The following FRMD3 variants were observed in gnomAD, a reference collection of about 807,000 sequenced individuals.
The protein encoded by FRMD3 is FERM domain containing 3, also known as FERM domain-containing protein 3.
A neutral mutation model predicts 70.2 loss-of-function variants in FRMD3; 33 were observed. That is an observed-to-expected ratio of 0.47 (90% CI 0.36 to 0.63). FRMD3 has a LOEUF of 0.63. Ranked by LOEUF, FRMD3 falls within the 20% of genes least tolerant of loss-of-function variation. The pLI is 0.00. For synonymous variants in FRMD3, 279 were observed against 255.9 expected (o/e 1.09, Z -0.86); for missense variants, 632 against 711.4 (o/e 0.89, Z 1.27).
rs1485162561 is a variant in FRMD3, at chr9:83,311,981, A to G, written c.685-6T>C. ...GTTGTTGTGCCTGTTGAATCCTGAA[A>G]AAAAAAAAAAAGAAAAAAGAAAAAT... On this transcript the variant is annotated splice_polypyrimidine_tract_variant and splice_region_variant and intron_variant, in intron 7 of 13. Coordinates refer to ENST00000304195, the MANE Select transcript of FRMD3 (RefSeq NM_174938.6). 2 of 1,510,170 alleles carry G rather than the reference A, an allele frequency of 1.3e-6. No individual in the cohort carries two copies. Among genetic ancestry groups the G allele is most frequent in the Non-Finnish European group, 1.8e-6 (2 of 1,124,332 alleles). The allele number at this position is 1,510,170 out of a possible 1,614,324, so 93.5% of individuals were successfully genotyped here. A position where few individuals can be genotyped will look rare whatever the true frequency, so the allele number is the denominator to read the frequency against.
the FRMD3 span, among the ~76,000 whole-genome samples, chr9:83,551,281 T>C: frequency 6.6e-6 from 1 of 152,240 alleles, no homozygotes; most frequent in Admixed American, 6.5e-5. Context: ...TCACATTTAT[T>C]GATTGTTGTA....
In FRMD3 at chr9:83,339,905, T is replaced by C. The variant is rs143345911; in HGVS notation, c.472+3285A>G. Among the ~76,000 whole-genome samples the C allele has an allele frequency of 3.1e-3, 469 of 152,280 alleles. 1 individual carries two copies. Among genetic ancestry groups the C allele is most frequent in the African/African-American group, 0.011 (447 of 41,562 alleles). ...CCATAGTTAAATGAATCAGGCACAATCATTTAACTAAATGTTAAATGAATC... is the reference window on the plus strand; with the variant it reads ...CCATAGTTAAATGAATCAGGCACAACCATTTAACTAAATGTTAAATGAATC... On this transcript the variant is annotated intron_variant, in intron 5 of 13. Transcript: ENST00000304195.
At chr9:83,340,272 A>T (rs1374414941) in intron 5 of FRMD3, among the ~76,000 whole-genome samples, 1 of 152,194 alleles carries the variant, frequency 6.6e-6, no homozygotes, top group African/African-American at 2.4e-5. Context: ...TTAGTGGAGA[A>T]CCTGCTGTGT....
At chr9:83,266,649 G>C (rs1378376234) in intron 13 of FRMD3, among the ~76,000 whole-genome samples, 1 of 152,146 alleles carries the variant, frequency 6.6e-6, no homozygotes, top group Non-Finnish European at 1.5e-5. Flanking sequence ...TGAAAGGAGG[G>C]GGAGCGTGTT....
the FRMD3 span, among the ~76,000 whole-genome samples, chr9:83,556,545 A>G: frequency 6.6e-6 from 1 of 152,252 alleles, no homozygotes; most frequent in Non-Finnish European, 1.5e-5. Context: ...TTACTAATGT[A>G]AAAGATATTT....
rs1183042891 is a variant in FRMD3, at chr9:83,507,438, C to T, written c.147+30647G>A. Among the ~76,000 whole-genome samples the T allele has an allele frequency of 1.0e-4, 15 of 145,052 alleles. No individual in the cohort carries two copies. In the East Asian group the frequency reaches 2.5e-3, roughly 24 times the overall value. On this transcript the variant is annotated intron_variant, in intron 1 of 13. Coordinates refer to ENST00000304195, the MANE Select transcript of FRMD3 (RefSeq NM_174938.6). ...ATCCCAGCACTTTGGGAGGCCGAGGCGGGTGGATCACAAGGTCAGGAGATC... is the reference window on the plus strand; with the variant it reads ...ATCCCAGCACTTTGGGAGGCCGAGGTGGGTGGATCACAAGGTCAGGAGATC...
intron 1 of FRMD3, among the ~76,000 whole-genome samples, chr9:83,394,766 G>A (rs950278605): frequency 6.6e-6 from 1 of 152,026 alleles, no homozygotes; most frequent in African/African-American, 2.4e-5. Flanking sequence ...TCACAAACTA[G>A]CCTACTTGTC....
At position 83,267,145 on chromosome 9, in the gene FRMD3, T is replaced by C. The variant is rs867277301; in HGVS notation, c.1196-18629A>G. 3 of 1,550,554 alleles carry C rather than the reference T, an allele frequency of 1.9e-6. 1 individual carries two copies. Among genetic ancestry groups the C allele is most frequent in the Middle Eastern group, 3.3e-4 (2 of 6,014 alleles). ...TGACCAAGCATTTTGCCATACTGGT[T>C]ATTCCAATCCCCTTGGTCTCCTCGG... On this transcript the variant is annotated intron_variant, in intron 13 of 13. Transcript: ENST00000304195.
At chr9:83,330,081 C>T (rs1836194315) in intron 6 of FRMD3, among the ~76,000 whole-genome samples, 1 of 152,108 alleles carries the variant, frequency 6.6e-6, no homozygotes, top group South Asian at 2.1e-4. Flanking sequence ...GAACAGAGGA[C>T]TGGCGAGGCA....
intron 6 of FRMD3, among the ~76,000 whole-genome samples, chr9:83,323,918 C>T: frequency 6.6e-6 from 1 of 152,206 alleles, no homozygotes; most frequent in East Asian, 1.9e-4. Context: ...AGTACAAACT[C>T]TGGCAAGTTC....
chr9:83,428,599 T>C (rs956462439), intron 1 of FRMD3, among the ~76,000 whole-genome samples: 3 of 152,100 alleles, frequency 2.0e-5, no homozygotes, highest in Admixed American at 6.5e-5. Context: ...TTAGTAATTA[T>C]AATAATTTTC....
chr9:83,279,572 G>A (rs1833901574), intron 13 of FRMD3: 1 of 151,756 alleles, frequency 6.6e-6, no homozygotes, highest in Admixed American at 6.6e-5. Flanking sequence ...ATGAGAGACT[G>A]GATTAAAAAA....
chr9:83,295,536 T>C (rs1535751), intron 12 of FRMD3, among the ~76,000 whole-genome samples: 72,379 of 151,952 alleles, frequency 0.48, 19,730 homozygotes, highest in South Asian at 0.7. Flanking sequence ...ACTTTAATAC[T>C]CATAACAAAG....
chr9:83,378,485 T>C (rs1306456545), intron 2 of FRMD3, among the ~76,000 whole-genome samples: 1 of 80,488 alleles, frequency 1.2e-5, no homozygotes, highest in Non-Finnish European at 2.7e-5. Context: ...TTTATATATA[T>C]AATATACATA....
intron 13 of FRMD3, among the ~76,000 whole-genome samples, chr9:83,275,780 A>G (rs924408490): frequency 3.3e-5 from 5 of 152,210 alleles, no homozygotes; most frequent in African/African-American, 1.2e-4. Context: ...TACTCCAACT[A>G]TAGGGGTGGG....
intron 10 of FRMD3, among the ~76,000 whole-genome samples, chr9:83,300,618 A>G (rs1394212799): frequency 6.6e-6 from 1 of 152,228 alleles, no homozygotes; most frequent in African/African-American, 2.4e-5. Context: ...AGGTGCTCCA[A>G]AATCTCAGAA....
chr9:83,543,933 G>A, the FRMD3 span, among the ~76,000 whole-genome samples: 2 of 152,160 alleles, frequency 1.3e-5, no homozygotes, highest in African/African-American at 4.8e-5. Context: ...AGCTGCTGCC[G>A]CCAGGGTTTG....
intron 1 of FRMD3, among the ~76,000 whole-genome samples, chr9:83,477,402 C>T (rs943538277): frequency 2.6e-5 from 4 of 152,146 alleles, no homozygotes; most frequent in Non-Finnish European, 5.9e-5. Flanking sequence ...CTCACTTTGG[C>T]TGCATTTCAG....
At chr9:83,350,937 C>A in intron 3 of FRMD3, 2 of 747,792 alleles carry the variant, frequency 2.7e-6, no homozygotes, top group South Asian at 6.1e-5. Flanking sequence ...ATAAAATGAA[C>A]ATCTTAAATC....
Sources: gnomAD v4.1 joint callset for allele counts (sites outside exome capture counted in the v4.1 genomes callset) on GRCh38, gnomAD v4.1.1 for gene constraint, MANE v1.5 for transcripts, NCBI Gene and HGNC (gene_info 2026-07-23, HGNC 2026-07-21) for gene names.